Variants in TENM3 observed in about 807,000 individuals in gnomAD.
TENM3 encodes the protein teneurin transmembrane protein 3.
A neutral mutation model predicts 255.1 loss-of-function variants in TENM3; 63 were observed. The observed-to-expected ratio is 0.25, with a 90% CI of 0.20 to 0.30. TENM3 has a LOEUF of 0.30. Among genes scored for constraint, TENM3 ranks in the 10% least tolerant of loss-of-function variants. The pLI is 1.00. For missense variants in TENM3, 2,929 were observed against 3,461.1 expected, an observed-to-expected ratio of 0.85 and a Z score of 3.86; for synonymous variants, 1,306 against 1,322.3, an observed-to-expected ratio of 0.99 and a Z score of 0.27.
the TENM3 span, among the ~76,000 whole-genome samples, chr4:181,585,054 A>T: frequency 6.6e-6 from 1 of 151,450 alleles, no homozygotes; most frequent in East Asian, 2.0e-4. Flanking sequence ...TTACTTACCC[A>T]AACAAAGATT....
At chr4:182,498,541 C>T (rs1427788085) in intron 3 of TENM3, among the ~76,000 whole-genome samples, 2 of 151,930 alleles carry the variant, frequency 1.3e-5, no homozygotes, top group South Asian at 2.1e-4. Context: ...TATGTACCCT[C>T]AGATTCTATT....
At chr4:182,064,145 T>C in the TENM3 span, among the ~76,000 whole-genome samples, 6 of 151,294 alleles carry the variant, frequency 4.0e-5, no homozygotes, top group Non-Finnish European at 8.8e-5. Flanking sequence ...TTGTAAAATT[T>C]AAATGAGATA....
At chr4:182,514,441 T>C (rs935055050) in intron 3 of TENM3, among the ~76,000 whole-genome samples, 1 of 152,146 alleles carries the variant, frequency 6.6e-6, no homozygotes, top group Non-Finnish European at 1.5e-5. Flanking sequence ...AGAGTTTAGG[T>C]GCCTGAAAGA....
At position 182,357,287 on chromosome 4, in the gene TENM3, C is replaced by T. The variant is rs547663565; in HGVS notation, c.511+10358C>T. Among the ~76,000 whole-genome samples the T allele has an allele frequency of 2.8e-3, 430 of 151,486 alleles. 1 individual carries two copies. The highest frequency in any genetic ancestry group is 0.01 in the African/African-American group (416 of 41,264). ...TTCTAGTTCTAGATCCCTGAGGAAT[C>T]GCCACACTGACTTCCACAATGGTTG... On this transcript the variant is annotated intron_variant, in intron 3 of 27. Coordinates refer to ENST00000511685, the MANE Select transcript of TENM3 (RefSeq NM_001080477.4).
At chr4:182,498,238 T>G (rs1735987922) in intron 3 of TENM3, among the ~76,000 whole-genome samples, 1 of 152,172 alleles carries the variant, frequency 6.6e-6, no homozygotes, top group Non-Finnish European at 1.5e-5. Context: ...GACTCGTAAT[T>G]TCTTTAACAC....
chr4:181,649,295 AG>A, the TENM3 span, among the ~76,000 whole-genome samples: 1 of 152,218 alleles, frequency 6.6e-6, no homozygotes, highest in Non-Finnish European at 1.5e-5. Flanking sequence ...GAGTAATGTG[AG>A]GCCTACAGCC....
intron 1 of TENM3, among the ~76,000 whole-genome samples, chr4:182,303,318 A>G (rs1311213523): frequency 1.3e-5 from 2 of 152,136 alleles, no homozygotes; most frequent in Non-Finnish European, 2.9e-5. Flanking sequence ...CACGTTGGTT[A>G]CTGTGCTGGG....
chr4:181,573,189 G>T, the TENM3 span, among the ~76,000 whole-genome samples: 1 of 152,094 alleles, frequency 6.6e-6, no homozygotes, highest in Admixed American at 6.6e-5. Flanking sequence ...TGTGAATAGC[G>T]CTGCAGTAAA....
At chr4:182,054,814 T>TA in the TENM3 span, among the ~76,000 whole-genome samples, 1 of 151,880 alleles carries the variant, frequency 6.6e-6, no homozygotes, top group South Asian at 2.1e-4. Flanking sequence ...ATTTTTTAAT[T>TA]AAAAAAAAGA....
At chr4:182,191,197 A>T (rs1753494443) in intron 1 of TENM3, among the ~76,000 whole-genome samples, 1 of 152,222 alleles carries the variant, frequency 6.6e-6, no homozygotes, top group Non-Finnish European at 1.5e-5. Flanking sequence ...ATTTTGGGGC[A>T]TTCATTTACG....
intron 3 of TENM3, among the ~76,000 whole-genome samples, chr4:182,502,180 T>A (rs890945682): frequency 6.6e-6 from 1 of 152,166 alleles, no homozygotes; most frequent in Non-Finnish European, 1.5e-5. Context: ...TCTTCCTTGA[T>A]TATATTCTGC....
chr4:182,225,738 A>C, intron 1 of TENM3, among the ~76,000 whole-genome samples: 1 of 152,288 alleles, frequency 6.6e-6, no homozygotes, highest in East Asian at 1.9e-4. Flanking sequence ...CTTGGAGCCC[A>C]AAGGAAAAAG....
intron 3 of TENM3, among the ~76,000 whole-genome samples, chr4:182,508,390 A>G (rs1408742298): frequency 6.6e-6 from 1 of 152,214 alleles, no homozygotes; most frequent in Non-Finnish European, 1.5e-5. Context: ...TTGAGTACCA[A>G]TAATACGATA....
intron 12 of TENM3, among the ~76,000 whole-genome samples, chr4:182,694,905 T>A (rs1757283062): frequency 6.6e-6 from 1 of 152,206 alleles, no homozygotes; most frequent in African/African-American, 2.4e-5. Flanking sequence ...GAAAGAATAG[T>A]ACTTTAATTG....
chr4:182,329,211 A>G (rs73869929), intron 2 of TENM3, among the ~76,000 whole-genome samples: 17,332 of 152,144 alleles, frequency 0.11, 1,050 homozygotes, highest in African/African-American at 0.15. Context: ...AGCTGGCGCA[A>G]GTGTTTTCCG....
At chr4:182,030,862 A>C in the TENM3 span, among the ~76,000 whole-genome samples, 1 of 152,016 alleles carries the variant, frequency 6.6e-6, no homozygotes, top group Admixed American at 6.6e-5. Context: ...TTCTTTTGAT[A>C]ATTGTCTGTT....
chr4:182,025,464 C>A, the TENM3 span, among the ~76,000 whole-genome samples: 1 of 152,188 alleles, frequency 6.6e-6, no homozygotes. Flanking sequence ...GTGAACACTG[C>A]TGTACATAAA....
chr4:181,837,650 T>A, the TENM3 span, among the ~76,000 whole-genome samples: 1 of 152,170 alleles, frequency 6.6e-6, no homozygotes, highest in East Asian at 1.9e-4. Flanking sequence ...ACAAACCACC[T>A]TGATACACAT....
At chr4:181,889,610 C>T in the TENM3 span, among the ~76,000 whole-genome samples, 5 of 152,184 alleles carry the variant, frequency 3.3e-5, no homozygotes, top group East Asian at 7.7e-4. Flanking sequence ...TTTACTTGAA[C>T]GGGCAATAAT....
Sources: allele counts gnomAD v4.1 joint callset (sites outside exome capture counted in the v4.1 genomes callset), GRCh38; gene constraint gnomAD v4.1.1; transcripts MANE v1.5; gene names NCBI Gene and HGNC (gene_info 2026-07-23, HGNC 2026-07-21).